SIRPG: variants seen among roughly 807,000 people sequenced by gnomAD.
The protein encoded by SIRPG is signal-regulatory protein gamma.
In SIRPG, 38 loss-of-function variants were observed where a neutral mutation model predicts 35.7. The ratio of observed to expected loss-of-function variants is 1.06; its 90% CI spans 0.82 to 1.40. SIRPG has a LOEUF of 1.40. Ranked by LOEUF, SIRPG falls within the 40% of genes most tolerant of loss-of-function variation. SIRPG has a pLI of 0.00. For synonymous variants in SIRPG, 215 were observed against 190.4 expected (o/e 1.13, Z -1.06); for missense variants, 519 against 483.0 (o/e 1.07, Z -0.70).
At chr20:1,631,814 C>G (rs1294302721) in intron 4 of SIRPG, among the ~76,000 whole-genome samples, 1 of 152,154 alleles carries the variant, frequency 6.6e-6, no homozygotes, top group Non-Finnish European at 1.5e-5. Flanking sequence ...GCTTTTGAAA[C>G]AAATTGGGAA....
At chr20:1,672,107 G>A in the SIRPG span, among the ~76,000 whole-genome samples, 1 of 152,326 alleles carries the variant, frequency 6.6e-6, no homozygotes, top group African/African-American at 2.4e-5. Flanking sequence ...AGGCCGCTCA[G>A]CCCAGGAGAC....
the SIRPG span, among the ~76,000 whole-genome samples, chr20:1,675,651 T>C: frequency 9.2e-5 from 14 of 152,334 alleles, no homozygotes; most frequent in East Asian, 2.5e-3. Context: ...TGCCTCATCT[T>C]TAACCCATAC....
At chr20:1,647,869 C>A (rs938422691) in intron 2 of SIRPG, 2 of 152,220 alleles carry the variant, frequency 1.3e-5, no homozygotes, top group African/African-American at 4.8e-5. Context: ...GAAATCCTGG[C>A]TCCCTGATCC....
the SIRPG span, among the ~76,000 whole-genome samples, chr20:1,677,845 G>A: frequency 6.6e-6 from 1 of 152,140 alleles, no homozygotes; most frequent in South Asian, 2.1e-4. Flanking sequence ...TCCAGAGATC[G>A]AACATGCCAT....
chr20:1,637,615 T>A (rs2091814783), intron 2 of SIRPG: 4 of 152,308 alleles, frequency 2.6e-5, no homozygotes, highest in Non-Finnish European at 2.9e-5. Context: ...TTATTTTTTT[T>A]AGTTAGCAGG....
chr20:1,649,148 C>T lies in SIRPG; in HGVS notation c.334G>A (p.Ala112Thr). The stretch of plus-strand genomic sequence containing the variant: ...ACACAGTAGTATGTGCCGACATCTG[C>T]TGGGGTGATGCTACTGATGCGGATG... ...FSIRISSITP[A>T]DVGTYYCVKF... The change falls in exon 2 of 6, where the codon GCA (alanine) becomes ACA (threonine). Residue 112 changes from alanine (A) to threonine (T), a missense_variant. Physicochemically the swap from Ala to Thr is moderately conservative, Grantham distance 58. Coordinates refer to ENST00000303415, the MANE Select transcript of SIRPG (RefSeq NM_018556.4). The T allele has an allele frequency of 6.2e-7, 1 of 1,614,046 alleles. No homozygotes were observed. The highest frequency in any genetic ancestry group is 8.5e-7 in the Non-Finnish European group (1 of 1,179,988).
the SIRPG span, among the ~76,000 whole-genome samples, chr20:1,666,166 C>T: frequency 6.6e-6 from 1 of 150,920 alleles, no homozygotes; most frequent in African/African-American, 2.4e-5. Context: ...GCAAAAACCT[C>T]ATAGAATAAG....
intron 4 of SIRPG, among the ~76,000 whole-genome samples, chr20:1,632,582 C>T (rs1433065202): frequency 1.3e-5 from 2 of 152,124 alleles, no homozygotes; most frequent in Non-Finnish European, 2.9e-5. Flanking sequence ...GCAATCCAGT[C>T]TTGATGGTGC....
the SIRPG span, chr20:1,666,694 T>C: frequency 6.6e-6 from 1 of 152,168 alleles, no homozygotes; most frequent in Non-Finnish European, 1.5e-5. Flanking sequence ...CCAAGGTGTA[T>C]GGTGTTTATA....
rs1344773265 is a variant in SIRPG, at chr20:1,636,399, G to A, written c.537C>T (p.Thr179=). The A allele has an allele frequency of 6.2e-7, 1 of 1,614,204 alleles. No individual in the cohort carries two copies. Among genetic ancestry groups the A allele is most frequent in the Non-Finnish European group, 8.5e-7 (1 of 1,180,034 alleles). Residue 179 remains threonine (T), a synonymous_variant, in exon 3 of 6, where the codon ACC becomes ACT. Coordinates refer to ENST00000303415, the MANE Select transcript of SIRPG (RefSeq NM_018556.4). ...ESHGFSPRDI[T]LKWFKNGNEL... ...CATTCCCATTTTTGAACCATTTCAG[G>A]GTGATGTCTCTGGGAGAGAAGCCAT...
upstream of SIRPG, among the ~76,000 whole-genome samples, chr20:1,661,021 A>G (rs1828948098): frequency 6.6e-6 from 1 of 152,236 alleles, no homozygotes; most frequent in African/African-American, 2.4e-5. Flanking sequence ...GAATTAAATG[A>G]ACTAATATAT....
chr20:1,658,025 A>T (rs1198995035), upstream of SIRPG, among the ~76,000 whole-genome samples: 1 of 152,050 alleles, frequency 6.6e-6, no homozygotes. Flanking sequence ...CTTCTTGGTG[A>T]TTTGCCATTT....
chr20:1,659,655 A>G (rs2091991082), upstream of SIRPG, among the ~76,000 whole-genome samples: 1 of 152,234 alleles, frequency 6.6e-6, no homozygotes, highest in South Asian at 2.1e-4. Context: ...ATGGAGAGTA[A>G]TGAATTTGCT....
the SIRPG span, among the ~76,000 whole-genome samples, chr20:1,668,188 T>TTTCTTTTTCTTTTCTTTTC: frequency 4.7e-5 from 3 of 63,572 alleles, no homozygotes; most frequent in African/African-American, 1.5e-4. Flanking sequence ...TCTTTCTTTC[T>TTTCTTTTTCTTTTCTTTTC]TTTTCTTTTC....
chr20:1,644,425 A>G (rs1443812161), intron 2 of SIRPG, among the ~76,000 whole-genome samples: 2 of 152,198 alleles, frequency 1.3e-5, no homozygotes, highest in African/African-American at 4.8e-5. Flanking sequence ...CCAGCAGGGG[A>G]AAAGCATGGC....
At chr20:1,650,004 G>GTATATATATATATATATATATATATATA (rs71193923) in intron 1 of SIRPG, among the ~76,000 whole-genome samples, 30 of 98,758 alleles carry the variant, frequency 3.0e-4, no homozygotes, top group African/African-American at 9.0e-4. Context: ...TTTGAAGTGT[G>GTATATATATATATATATATATATATATA]TATATATATA....
Position 1,649,217 on chromosome 20 carries a change from T to C in SIRPG, c.265A>G (p.Thr89Ala). The C allele has an allele frequency of 6.2e-7, 1 of 1,614,172 alleles. No individual in the cohort carries two copies. The highest frequency in any genetic ancestry group is 8.5e-7 in the Non-Finnish European group (1 of 1,180,044). Residue 89 changes from threonine (T) to alanine (A), a missense_variant, in exon 2 of 6, where the codon ACA becomes GCA. By Grantham distance (58) the Thr-to-Ala change is moderately conservative. Coordinates refer to ENST00000303415, the MANE Select transcript of SIRPG (RefSeq NM_018556.4). ...NQKEGHFPRV[T>A]TVSDLTKRNN... ...CTCTTTGTGAGGTCTGAAACTGTTG[T>C]TACCCTGGGGAAGTGGCCTTCTTTT... is the stretch of plus-strand genomic sequence containing the variant.
intron 3 of SIRPG, 72 bp from the exon 4 acceptor site, chr20:1,635,671 C>T: frequency 6.7e-7 from 1 of 1,487,670 alleles, no homozygotes. Flanking sequence ...CATAACTTAA[C>T]TCCCACTACC....
At chr20:1,639,056 T>C (rs1250804455) in intron 2 of SIRPG, among the ~76,000 whole-genome samples, 2 of 152,212 alleles carry the variant, frequency 1.3e-5, no homozygotes, top group Non-Finnish European at 2.9e-5. Context: ...GTCTTTGCTA[T>C]TGTAAATAGT....
Sources: gnomAD v4.1 joint callset for allele counts (sites outside exome capture counted in the v4.1 genomes callset) on GRCh38, gnomAD v4.1.1 for gene constraint, MANE v1.5 for transcripts, NCBI Gene and HGNC (gene_info 2026-07-23, HGNC 2026-07-21) for gene names.